ADCY2: variants seen among roughly 807,000 people sequenced by gnomAD.
The protein encoded by ADCY2 is adenylate cyclase 2, also known as adenylate cyclase type 2.
A neutral mutation model predicts 125.2 loss-of-function variants in ADCY2; 31 were observed. That is an observed-to-expected ratio of 0.25 (90% CI 0.19 to 0.33). The LOEUF (loss-of-function observed/expected upper bound fraction) is 0.33. Among genes scored for constraint, ADCY2 ranks in the 10% least tolerant of loss-of-function variants. The pLI is 1.00. For synonymous variants in ADCY2, 512 were observed against 548.4 expected (o/e 0.93, Z 0.93); for missense variants, 904 against 1,418.2 (o/e 0.64, Z 5.82).
intron 22 of ADCY2, among the ~76,000 whole-genome samples, chr5:7,810,933 T>C (rs1744921859): frequency 6.6e-6 from 1 of 152,164 alleles, no homozygotes; most frequent in Admixed American, 6.5e-5. Flanking sequence ...AGTTTTGATC[T>C]TTTTCAAACA....
chr5:7,693,673 T>G (rs943040881), intron 5 of ADCY2, among the ~76,000 whole-genome samples: 1 of 152,194 alleles, frequency 6.6e-6, no homozygotes, highest in African/African-American at 2.4e-5. Flanking sequence ...TCCACCCGCC[T>G]TGGCCTCCCA....
chr5:7,690,516 G>A (rs529847426), intron 4 of ADCY2, 175 bp from the exon 5 acceptor site: 41 of 450,144 alleles, frequency 9.1e-5, no homozygotes, highest in Middle Eastern at 1.2e-3. Flanking sequence ...GATACAGTCC[G>A]ACCTTAGAAA....
At chr5:7,488,850 G>A (rs926792236) in intron 2 of ADCY2, among the ~76,000 whole-genome samples, 1 of 151,822 alleles carries the variant, frequency 6.6e-6, no homozygotes, top group African/African-American at 2.4e-5. Context: ...TCCTGGGAGA[G>A]GTTAAGCTGC....
At chr5:7,501,639 TCCCCCCTCCC>T (rs1743582516) in intron 2 of ADCY2, among the ~76,000 whole-genome samples, 1 of 37,242 alleles carries the variant, frequency 2.7e-5, no homozygotes, top group African/African-American at 9.4e-5. Flanking sequence ...AGAATGAGAT[TCCCCCCTCCC>T]CCCCCCCCCG....
chr5:7,743,674 C>G lies in ADCY2; in HGVS notation c.1878C>G (p.Ser626=). Residue 626 remains serine (S), a synonymous_variant, in exon 15 of 25, where the codon TCC becomes TCG. Transcript: ENST00000338316. ...GCTTTTTGTTTCCCGGTAGAACGTC[C>G]GTCCTGGGCATCTCCTTTGGGGCTG... ...IVQILVLPKT[S]VLGISFGAAF... The G allele has an allele frequency of 6.2e-7, 1 of 1,613,524 alleles. No homozygotes were observed.
At chr5:7,434,033 G>A (rs1740706036) in intron 2 of ADCY2, among the ~76,000 whole-genome samples, 1 of 151,980 alleles carries the variant, frequency 6.6e-6, no homozygotes, top group South Asian at 2.1e-4. Context: ...AAAGTGCAGA[G>A]GGAAATCTCC....
intron 3 of ADCY2, among the ~76,000 whole-genome samples, chr5:7,558,124 C>T (rs1274360384): frequency 1.3e-5 from 2 of 151,960 alleles, no homozygotes; most frequent in Non-Finnish European, 2.9e-5. Flanking sequence ...ACAATCTCGG[C>T]TCACTGCAAC....
At chr5:7,754,629 G>T (rs1470923031) in intron 15 of ADCY2, among the ~76,000 whole-genome samples, 1 of 152,104 alleles carries the variant, frequency 6.6e-6, no homozygotes, top group Non-Finnish European at 1.5e-5. Flanking sequence ...AGCTAGATGA[G>T]CATAATATTT....
At chr5:7,695,092 A>AAAAG (rs1364724914) in intron 5 of ADCY2, among the ~76,000 whole-genome samples, 1 of 152,210 alleles carries the variant, frequency 6.6e-6, no homozygotes, top group Non-Finnish European at 1.5e-5. Context: ...GAAACATGTT[A>AAAAG]TTGTGTAGGA....
At chr5:7,506,481 AT>A (rs755354605) in intron 2 of ADCY2, among the ~76,000 whole-genome samples, 3 of 152,216 alleles carry the variant, frequency 2.0e-5, no homozygotes, top group Non-Finnish European at 4.4e-5. Flanking sequence ...AGAAAGATAA[AT>A]AAAAATGAAG....
intron 2 of ADCY2, among the ~76,000 whole-genome samples, chr5:7,496,065 G>A (rs1743336096): frequency 6.6e-6 from 1 of 152,144 alleles, no homozygotes; most frequent in Non-Finnish European, 1.5e-5. Context: ...TAAAATGTAA[G>A]AACCAAAGAT....
intron 3 of ADCY2, among the ~76,000 whole-genome samples, chr5:7,608,043 C>T (rs1369652549): frequency 6.6e-6 from 1 of 152,076 alleles, no homozygotes; most frequent in African/African-American, 2.4e-5. Flanking sequence ...CTTTATCAGA[C>T]TTGGGATGCT....
intron 1 of ADCY2, among the ~76,000 whole-genome samples, chr5:7,407,472 GGAGA>G (rs147362462): frequency 1.3e-5 from 2 of 150,864 alleles, no homozygotes; most frequent in Non-Finnish European, 3.0e-5. Flanking sequence ...TATGATGGCA[GGAGA>G]GAGAGAGAGA....
intron 3 of ADCY2, among the ~76,000 whole-genome samples, chr5:7,570,828 AT>A: frequency 6.6e-6 from 1 of 152,074 alleles, no homozygotes; most frequent in Non-Finnish European, 1.5e-5. Context: ...CTCTGATGCT[AT>A]TTATTTGTGT....
rs79565895 is a variant in ADCY2, at chr5:7,401,454, T to C, written c.210+4948T>C. ...AATTCCCAGCGCTGGTCTTGGAAAATAGCAAGTTTTCTTGTTGAAATTTCT... is the reference window on the plus strand; with the variant it reads ...AATTCCCAGCGCTGGTCTTGGAAAACAGCAAGTTTTCTTGTTGAAATTTCT... On this transcript the variant is annotated intron_variant, in intron 1 of 24. Coordinates refer to ENST00000338316, the MANE Select transcript of ADCY2 (RefSeq NM_020546.3). Among the ~76,000 whole-genome samples the C allele has an allele frequency of 8.9e-3, 1,354 of 152,296 alleles. 14 individuals are homozygous for C. Among genetic ancestry groups the C allele is most frequent in the African/African-American group, 0.031 (1,283 of 41,556 alleles).
intron 2 of ADCY2, among the ~76,000 whole-genome samples, chr5:7,449,525 G>A (rs558738818): frequency 6.6e-6 from 1 of 152,226 alleles, no homozygotes; most frequent in South Asian, 2.1e-4. Context: ...TCACTTTCAG[G>A]CTGTGCTACT....
chr5:7,416,062 TTC>T (rs1186916581), intron 2 of ADCY2, among the ~76,000 whole-genome samples: 1 of 152,126 alleles, frequency 6.6e-6, no homozygotes, highest in East Asian at 1.9e-4. Context: ...TTTCCAGGGT[TTC>T]CAGAGGGTGT....
chr5:7,422,738 T>G (rs1740250181), intron 2 of ADCY2, among the ~76,000 whole-genome samples: 2 of 152,226 alleles, frequency 1.3e-5, no homozygotes, highest in African/African-American at 4.8e-5. Context: ...TAAAAGGATG[T>G]CAGACATTCA....
At chr5:7,501,646 T>A (rs10037890) in intron 2 of ADCY2, among the ~76,000 whole-genome samples, 3 of 40,546 alleles carry the variant, frequency 7.4e-5, no homozygotes, top group African/African-American at 2.0e-4. Flanking sequence ...GATTCCCCCC[T>A]CCCCCCCCCC....
Sources: gnomAD v4.1 joint callset for allele counts (sites outside exome capture counted in the v4.1 genomes callset) on GRCh38, gnomAD v4.1.1 for gene constraint, MANE v1.5 for transcripts, NCBI Gene and HGNC (gene_info 2026-07-23, HGNC 2026-07-21) for gene names.